CAPS2: variants seen among roughly 807,000 people sequenced by gnomAD.
CAPS2 encodes the protein calcyphosin-2.
CAPS2 carries 98 observed loss-of-function variants against 86.5 expected under a neutral mutation model. That is an observed-to-expected ratio of 1.13 (90% CI 0.96 to 1.34). The LOEUF (loss-of-function observed/expected upper bound fraction) is 1.34, where lower values mean the gene tolerates loss of function less well. CAPS2 is among the 40% of genes most tolerant of loss of function. CAPS2 has a pLI of 0.00. For synonymous variants in CAPS2, 210 were observed against 225.1 expected (o/e 0.93, Z 0.60); for missense variants, 729 against 686.8 (o/e 1.06, Z -0.69).
chr12:75,377,374 C>A (rs1337458206), intron 1 of CAPS2, among the ~76,000 whole-genome samples: 1 of 152,146 alleles, frequency 6.6e-6, no homozygotes, highest in Admixed American at 6.5e-5. Context: ...CACACAATCA[C>A]AAGGTGAAAT....
intron 1 of CAPS2, among the ~76,000 whole-genome samples, chr12:75,368,641 C>T (rs74108752): frequency 0.016 from 2,406 of 151,996 alleles, 51 homozygotes; most frequent in African/African-American, 0.055. Flanking sequence ...TTGTGCTTGG[C>T]CATATAATTT....
chr12:75,380,735 T>C (rs573026066), intron 1 of CAPS2, among the ~76,000 whole-genome samples: 3 of 152,322 alleles, frequency 2.0e-5, no homozygotes, highest in South Asian at 4.1e-4. Flanking sequence ...TAATAACTTA[T>C]ATAATTCCCT....
At chr12:75,360,952 C>T (rs1330347879) in intron 1 of CAPS2, 1 of 152,198 alleles carries the variant, frequency 6.6e-6, no homozygotes, top group African/African-American at 2.4e-5. Context: ...TGCAGTCTTT[C>T]TTCCCCTTAG....
In CAPS2 at chr12:75,347,564, G is replaced by A. The variant is rs532744115; in HGVS notation, c.-394-24342C>T. On this transcript the variant is annotated intron_variant, in intron 1 of 5. Coordinates refer to the CAPS2 transcript ENST00000551829. ...CAAAGATTATACCAATTCTCTAAAT[G>A]CATTGTTTGCATAGAATTGTTTTCC... The A allele has an allele frequency of 1.8e-4, 188 of 1,023,548 alleles. No individual in the cohort carries two copies. The African/African-American group carries it at 2.7e-3, about 15-fold the overall frequency. 63.4% of individuals were successfully genotyped at this position (1,023,548 alleles called of 1,614,324 possible). A position where few individuals can be genotyped will look rare whatever the true frequency, so the allele number is the denominator to read the frequency against.
intron 1 of CAPS2, among the ~76,000 whole-genome samples, chr12:75,350,856 T>C (rs1369444874): frequency 6.6e-6 from 1 of 152,066 alleles, no homozygotes; most frequent in East Asian, 1.9e-4. Flanking sequence ...GATGGACGAA[T>C]TGACAAAAAT....
chr12:75,331,958 A>G (rs1000976489), upstream of CAPS2, among the ~76,000 whole-genome samples: 1 of 152,238 alleles, frequency 6.6e-6, no homozygotes, highest in Non-Finnish European at 1.5e-5. Flanking sequence ...AGAAAATAAC[A>G]TTAGGACATG....
At chr12:75,322,187 T>C (rs184573292) in intron 4 of CAPS2, among the ~76,000 whole-genome samples, 1 of 152,338 alleles carries the variant, frequency 6.6e-6, no homozygotes, top group East Asian at 1.9e-4. Context: ...ACCTTCATTC[T>C]GTTTTCCCAC....
At chr12:75,327,564 TTC>T (rs1203332947), upstream of CAPS2, among the ~76,000 whole-genome samples, 127 of 152,064 alleles carry the variant, frequency 8.4e-4, no homozygotes, top group African/African-American at 2.9e-3. Flanking sequence ...AGTAAATTAT[TTC>T]TGTTTTGTTT....
chr12:75,329,524 A>G (rs2041103377), upstream of CAPS2, among the ~76,000 whole-genome samples: 1 of 151,786 alleles, frequency 6.6e-6, no homozygotes, highest in Admixed American at 6.6e-5. Context: ...TCCAATTATT[A>G]TCACTTCTCT....
chr12:75,306,077 C>A, intron 7 of CAPS2: 1 of 1,468,826 alleles, frequency 6.8e-7, no homozygotes, highest in South Asian at 1.2e-5. Context: ...TGCTGCGCGT[C>A]CTGGGGCTGC....
At chr12:75,303,744 T>C (rs1004456915) in intron 8 of CAPS2, among the ~76,000 whole-genome samples, 1 of 152,204 alleles carries the variant, frequency 6.6e-6, no homozygotes, top group Non-Finnish European at 1.5e-5. Flanking sequence ...GCATATGTGA[T>C]AAATTAAGAA....
Position 75,348,779 on chromosome 12 carries a change from T to C in CAPS2, c.-394-25557A>G, listed in dbSNP as rs550720039. 2.6e-5 allele frequency among the ~76,000 whole-genome samples: 4 copies of C among 152,200 alleles called. No homozygotes were observed. The East Asian group carries it at 7.7e-4, about 29-fold the overall frequency. ...GTAGGGACCAATATACCCTGTCACT[T>C]GAAACAAAAGCCATAAAAAGCAAAA... is the stretch of plus-strand genomic sequence containing the variant. On this transcript the variant is annotated intron_variant, in intron 1 of 5. Coordinates refer to the CAPS2 transcript ENST00000551829.
intron 1 of CAPS2, among the ~76,000 whole-genome samples, chr12:75,389,249 T>C (rs2045450528): frequency 6.6e-6 from 1 of 152,224 alleles, no homozygotes; most frequent in Non-Finnish European, 1.5e-5. Flanking sequence ...GATTCATCTG[T>C]GTCACCTTTA....
chr12:75,355,682 G>T (rs535678340), intron 1 of CAPS2, among the ~76,000 whole-genome samples: 2 of 152,230 alleles, frequency 1.3e-5, no homozygotes, highest in East Asian at 3.9e-4. Flanking sequence ...GCACAAGTAG[G>T]TTCAGCGCAG....
At chr12:75,375,506 T>C (rs965418882) in intron 1 of CAPS2, among the ~76,000 whole-genome samples, 2 of 152,238 alleles carry the variant, frequency 1.3e-5, no homozygotes, top group East Asian at 1.9e-4. Flanking sequence ...GGTAGTATAG[T>C]GGGGTCCTTC....
At chr12:75,306,384 T>C (rs2038502072) in intron 7 of CAPS2, 1 of 407,516 alleles carries the variant, frequency 2.5e-6, no homozygotes. Flanking sequence ...GGCCGGTGAA[T>C]GGTTTCTGAC....
At chr12:75,326,509 G>A, upstream of CAPS2, 1 of 1,512,320 alleles carries the variant, frequency 6.6e-7, no homozygotes, top group Non-Finnish European at 9.0e-7. Flanking sequence ...TTGAGTTCCT[G>A]TGTTTATCAT....
intron 2 of CAPS2, 26 bp from the exon 4 acceptor site, chr12:75,323,248 G>T: frequency 6.5e-7 from 1 of 1,526,834 alleles, no homozygotes; most frequent in Non-Finnish European, 8.8e-7. Flanking sequence ...TATGTATCCC[G>T]TAACTTTTTA....
chr12:75,354,419 T>TA (rs369074342), intron 1 of CAPS2, among the ~76,000 whole-genome samples: 13 of 149,640 alleles, frequency 8.7e-5, no homozygotes, highest in East Asian at 2.0e-4. Context: ...GGAATACAGC[T>TA]AAAAAAAAAG....
Sources: gnomAD v4.1 joint callset for allele counts (sites outside exome capture counted in the v4.1 genomes callset) on GRCh38, gnomAD v4.1.1 for gene constraint, MANE v1.5 for transcripts, NCBI Gene and HGNC (gene_info 2026-07-23, HGNC 2026-07-21) for gene names.